GLI2: variants seen among roughly 807,000 people sequenced by gnomAD.
The protein encoded by GLI2 is GLI family zinc finger 2, also known as transcription activator GLI2.
In GLI2, 22 loss-of-function variants were observed where a neutral mutation model predicts 78.9. The observed-to-expected ratio is 0.28, with a 90% CI of 0.20 to 0.40. GLI2 has a LOEUF of 0.40. Among genes scored for constraint, GLI2 ranks in the 10% least tolerant of loss-of-function variants. The pLI, the probability that GLI2 is intolerant of heterozygous loss-of-function variation, is 1.00. For missense variants in GLI2, 2,097 were observed against 2,213.2 expected (o/e 0.95, Z 1.05); for synonymous variants, 974 against 963.7 (o/e 1.01, Z -0.20).
chr2:120,762,695 G>C (rs1683250220), intron 1 of GLI2, among the ~76,000 whole-genome samples: 1 of 152,062 alleles, frequency 6.6e-6, no homozygotes, highest in Non-Finnish European at 1.5e-5. Flanking sequence ...CTCAGCACCA[G>C]CCCCCAGGCC....
intron 1 of GLI2, 82 bp from the exon 2 acceptor site, chr2:120,797,209 G>T: frequency 1.0e-6 from 1 of 1,002,812 alleles, no homozygotes; most frequent in Non-Finnish European, 1.6e-6. Flanking sequence ...CTTTAGGAGC[G>T]AGCGGCGGTG....
chr2:120,794,053 A>T (rs1333715362), intron 1 of GLI2, among the ~76,000 whole-genome samples: 1 of 152,206 alleles, frequency 6.6e-6, no homozygotes, highest in Admixed American at 6.5e-5. Context: ...TCTAGTTACC[A>T]GCTTGAGCTG....
chr2:120,846,244 G>T (rs552748270), intron 2 of GLI2, among the ~76,000 whole-genome samples: 7 of 152,330 alleles, frequency 4.6e-5, no homozygotes, highest in South Asian at 4.1e-4. Context: ...ATTACAGCAT[G>T]CTCCTGGTCC....
chr2:120,812,658 C>T (rs916995793), intron 2 of GLI2, among the ~76,000 whole-genome samples: 1 of 152,154 alleles, frequency 6.6e-6, no homozygotes, highest in Admixed American at 6.5e-5. Flanking sequence ...AACCCATGGT[C>T]TCTGTCTGGG....
chr2:120,752,116 T>G (rs1408003810), intron 1 of GLI2, among the ~76,000 whole-genome samples: 1 of 152,194 alleles, frequency 6.6e-6, no homozygotes, highest in Non-Finnish European at 1.5e-5. Context: ...TATCATTTAT[T>G]TTTACACCAG....
chr2:120,929,780 G>C (rs566616925), intron 3 of GLI2, among the ~76,000 whole-genome samples: 3 of 152,168 alleles, frequency 2.0e-5, no homozygotes, highest in Non-Finnish European at 4.4e-5. Flanking sequence ...TGTCTGCCTG[G>C]TGGGTGTTGG....
intron 9 of GLI2, among the ~76,000 whole-genome samples, chr2:120,977,301 G>A (rs925156392): frequency 1.1e-4 from 16 of 152,162 alleles, no homozygotes; most frequent in African/African-American, 3.1e-4. Context: ...AAAGAAACAG[G>A]TGAAGTTAAT....
chr2:120,895,854 G>A (rs546084752), intron 2 of GLI2, among the ~76,000 whole-genome samples: 1 of 152,316 alleles, frequency 6.6e-6, no homozygotes, highest in South Asian at 2.1e-4. Flanking sequence ...CTTTTTAAAA[G>A]GAAAGGTTTG....
chr2:120,926,885 C>T (rs1427398011), intron 2 of GLI2, among the ~76,000 whole-genome samples: 2 of 152,236 alleles, frequency 1.3e-5, no homozygotes, highest in Non-Finnish European at 1.5e-5. Context: ...CTGAGGCTGG[C>T]GGCACCGTCT....
intron 8 of GLI2, chr2:120,972,622 G>A (rs765175594): frequency 9.6e-6 from 5 of 518,680 alleles, no homozygotes; most frequent in Non-Finnish European, 1.9e-5. Context: ...TGGAGAGGTG[G>A]CGCTATGGGA....
chr2:120,923,551 A>C (rs934280494), intron 2 of GLI2, among the ~76,000 whole-genome samples: 1 of 152,026 alleles, frequency 6.6e-6, no homozygotes, highest in Non-Finnish European at 1.5e-5. Flanking sequence ...CAACACACGC[A>C]TACAGCACAC....
intron 10 of GLI2, among the ~76,000 whole-genome samples, chr2:120,980,532 G>A (rs1297573039): frequency 6.6e-6 from 1 of 152,090 alleles, no homozygotes; most frequent in East Asian, 1.9e-4. Context: ...CTGGTTACTA[G>A]ACCCTTGTCA....
chr2:120,913,652 C>T (rs770727406), intron 2 of GLI2, among the ~76,000 whole-genome samples: 16 of 152,276 alleles, frequency 1.1e-4, no homozygotes, highest in Middle Eastern at 6.8e-3. Flanking sequence ...GAAAGTGGCC[C>T]TTACGGGACC....
intron 2 of GLI2, among the ~76,000 whole-genome samples, chr2:120,895,876 G>T (rs919544267): frequency 2.6e-5 from 4 of 152,166 alleles, no homozygotes; most frequent in Admixed American, 2.6e-4. Flanking sequence ...GCCCACTGTG[G>T]TTGCTATGGT....
chr2:120,938,317 G>A (rs550790342), intron 3 of GLI2, among the ~76,000 whole-genome samples: 3 of 152,152 alleles, frequency 2.0e-5, no homozygotes, highest in Non-Finnish European at 2.9e-5. Flanking sequence ...TAGGAAAAAC[G>A]TCTCCCTGAT....
rs1042727122 is a variant in GLI2 at position 120,800,805 on chromosome 2, C to T, written c.148+3337C>T. On this transcript the variant is annotated intron_variant, in intron 2 of 13. Coordinates refer to ENST00000361492, the MANE Select transcript of GLI2 (RefSeq NM_001374353.1). This position sits in a 1 kb window ranked among gnomAD's most constrained non-coding sequence, Gnocchi z 4.1. The stretch of plus-strand genomic sequence containing the variant: ...ACAGGTGTGAGCCACCGCACCCGGC[C>T]GAAAGGGATGACTTATACGAGCTTA... Among the ~76,000 whole-genome samples, 8 of 152,072 alleles carry T rather than the reference C, an allele frequency of 5.3e-5. No homozygotes were observed. The highest frequency in any genetic ancestry group is 2.0e-4 in the Admixed American group (3 of 15,274).
Position 120,990,011 on chromosome 2 carries a change from T to G in GLI2, c.4046T>G (p.Phe1349Cys), listed in dbSNP as rs1223136757. ...CCGATGGGGGTGGCTACAGCAGGCT[T>G]TGGCCTAGTGCAGCCCCGGCCTCCC... ...TGPMGVATAG[F>C]GLVQPRPPLE... Residue 1349 changes from phenylalanine to cysteine, a missense_variant, in exon 14 of 14, where the codon TTT becomes TGT. Around this residue, in one of 5 missense-constraint regions of GLI2, gnomAD observed 1,290 missense variants for 1,261.7 expected, o/e 1.02. Transcript: ENST00000361492. The G allele has an allele frequency of 6.2e-7, 1 of 1,609,280 alleles. No homozygotes were observed. The highest frequency in any genetic ancestry group is 1.7e-4 in the Middle Eastern group (1 of 6,038).
intron 2 of GLI2, among the ~76,000 whole-genome samples, chr2:120,808,908 A>G (rs375072067): frequency 2.4e-4 from 36 of 152,214 alleles, no homozygotes; most frequent in African/African-American, 8.7e-4. Flanking sequence ...GGCACTGTGG[A>G]GCTTCCCAGC....
intron 2 of GLI2, among the ~76,000 whole-genome samples, chr2:120,921,258 G>T (rs530771197): frequency 6.7e-6 from 1 of 149,548 alleles, no homozygotes; most frequent in South Asian, 2.1e-4. Flanking sequence ...GTGTGTGCAT[G>T]TGTGTTGGTG....
Sources: gnomAD v4.1 joint callset for allele counts (sites outside exome capture counted in the v4.1 genomes callset) on GRCh38, gnomAD v4.1.1 for gene constraint, gnomAD v4.1.1 regional missense constraint, Gnocchi (gnomAD v3.1) non-coding constraint, MANE v1.5 for transcripts, NCBI Gene and HGNC (gene_info 2026-07-23, HGNC 2026-07-21) for gene names.